Variants in ARNT observed in about 807,000 individuals in gnomAD.
ARNT encodes class E basic helix-loop-helix protein 2.
ARNT carries 30 observed loss-of-function variants against 105.0 expected under a neutral mutation model. The ratio of observed to expected loss-of-function variants is 0.29; its 90% CI spans 0.21 to 0.39. The LOEUF (loss-of-function observed/expected upper bound fraction) is 0.39, where lower values mean the gene tolerates loss of function less well. Among genes scored for constraint, ARNT ranks in the 10% least tolerant of loss-of-function variants. The pLI is 1.00. For synonymous variants in ARNT, 304 were observed against 344.0 expected (o/e 0.88, Z 1.29); for missense variants, 748 against 978.7 (o/e 0.76, Z 3.15).
chr1:150,826,762 A>T (rs867157241), intron 12 of ARNT, 145 bp from the exon 13 acceptor site: 1 of 550,318 alleles, frequency 1.8e-6, no homozygotes, highest in Middle Eastern at 5.3e-4. Context: ...TTCCTGTCTC[A>T]ACCTCCCAAG....
At chr1:150,846,634 C>A (rs1662263682) in intron 3 of ARNT, among the ~76,000 whole-genome samples, 1 of 152,020 alleles carries the variant, frequency 6.6e-6, no homozygotes, top group Admixed American at 6.6e-5. Context: ...GTAAAAAACA[C>A]ATAAAATTTA....
chr1:150,817,082 C>T lies in ARNT; in HGVS notation c.1699G>A (p.Asp567Asn), dbSNP rs747636674. ...AAAGGATAATGAGAAAGAAACATAC[C>T]CGCATTGATGTTGTGATAGATTTCT... ...FSEIYHNINA[D>N]QSKGISSSTV... Residue 567 changes from aspartate to asparagine, a missense_variant and splice_region_variant, in exon 17 of 22, where the codon GAT (aspartate) becomes AAT (asparagine). Around this residue, in one of 4 missense-constraint regions of ARNT, gnomAD observed 360 missense variants for 411.9 expected, o/e 0.87. Transcript: ENST00000358595. 1.2e-6 allele frequency: 2 copies of T among 1,614,018 alleles called. No individual in the cohort carries two copies. The highest frequency in any genetic ancestry group is 2.2e-5 in the South Asian group (2 of 91,062).
rs1156605423 is a variant in ARNT, at chr1:150,811,456, G to GCACA, written c.*564_*565insTGTG. 20 of 92,378 alleles carry GCACA rather than the reference G, an allele frequency of 2.2e-4. No homozygotes were observed. Among genetic ancestry groups the GCACA allele is most frequent in the South Asian group, 2.0e-3 (2 of 994 alleles). The allele number at this position is 92,378 out of a possible 1,614,324, so 5.7% of individuals were successfully genotyped here. ...AAGAGTGAAATACAGAAGCATGTGT[G>GCACA]CGCACACACACACACACACACATAC... is the stretch of plus-strand genomic sequence containing the variant. On this transcript the variant is annotated 3_prime_UTR_variant, in exon 22 of 22. Coordinates refer to ENST00000358595, the MANE Select transcript of ARNT (RefSeq NM_001668.4).
Position 150,832,339 on chromosome 1 carries a change from T to A in ARNT, c.864A>T (p.Arg288Ser). Residue 288 changes from arginine (R) to serine (S), a missense_variant, in exon 9 of 22, where the codon AGA (arginine) becomes AGT (serine). Around this residue, in one of 4 missense-constraint regions of ARNT, gnomAD observed 291 missense variants for 444.6 expected, o/e 0.65. Coordinates refer to ENST00000358595, the MANE Select transcript of ARNT (RefSeq NM_001668.4). ...SVNRLSFVRN[R>S]CRNGLGSVKD... ...TTCACCACTTAGGATCTCACCTGCA[T>A]CTGTTCCTCACAAAGCTCAGCCTAT... The A allele has an allele frequency of 6.2e-7, 1 of 1,614,134 alleles. No individual in the cohort carries two copies. Among genetic ancestry groups the A allele is most frequent in the Non-Finnish European group, 8.5e-7 (1 of 1,180,004 alleles).
intron 13 of ARNT, among the ~76,000 whole-genome samples, chr1:150,825,082 A>G (rs979573013): frequency 6.6e-6 from 1 of 151,722 alleles, no homozygotes; most frequent in Non-Finnish European, 1.5e-5. Context: ...GGCTGGTTCA[A>G]ACTCCTGGCT....
At chr1:150,866,518 A>G (rs1388051953) in intron 1 of ARNT, among the ~76,000 whole-genome samples, 2 of 152,216 alleles carry the variant, frequency 1.3e-5, no homozygotes, top group Non-Finnish European at 2.9e-5. Context: ...AATTCTGTTA[A>G]AAGAAATAAA....
chr1:150,867,888 C>T (rs1290007250), intron 1 of ARNT, among the ~76,000 whole-genome samples: 2 of 152,148 alleles, frequency 1.3e-5, no homozygotes, highest in African/African-American at 2.4e-5. Context: ...TTCCCCTTCG[C>T]CTTCCGCCAT....
At chr1:150,861,951 A>G (rs1174564836) in intron 1 of ARNT, among the ~76,000 whole-genome samples, 4 of 152,194 alleles carry the variant, frequency 2.6e-5, no homozygotes, top group Non-Finnish European at 5.9e-5. Flanking sequence ...CACACATTTA[A>G]GGTAGTCTAG....
intron 1 of ARNT, among the ~76,000 whole-genome samples, chr1:150,874,424 AC>A (rs1667945532): frequency 6.6e-6 from 1 of 152,230 alleles, no homozygotes; most frequent in South Asian, 2.1e-4. Context: ...AAAGTGTCTC[AC>A]ATCTGTATTC....
intron 3 of ARNT, among the ~76,000 whole-genome samples, chr1:150,851,298 G>A (rs1443891376): frequency 3.7e-4 from 54 of 146,512 alleles, no homozygotes; most frequent in South Asian, 1.1e-3. Flanking sequence ...GCCTCTGCCC[G>A]GCCACCCCTT....
At chr1:150,825,272 TTTTG>T (rs1557870176) in intron 13 of ARNT, among the ~76,000 whole-genome samples, 1 of 152,064 alleles carries the variant, frequency 6.6e-6, no homozygotes, top group East Asian at 1.9e-4. Context: ...TAACCACTTA[TTTTG>T]TAATACTACG....
intron 1 of ARNT, among the ~76,000 whole-genome samples, chr1:150,871,308 T>G (rs910506345): frequency 2.7e-5 from 4 of 148,072 alleles, no homozygotes; most frequent in African/African-American, 1.0e-4. Context: ...TTTTTTTTTT[T>G]TTTTTTTTTT....
chr1:150,834,434 A>T, intron 8 of ARNT, 104 bp downstream of exon 8: 1 of 1,135,652 alleles, frequency 8.8e-7, no homozygotes, highest in Non-Finnish European at 1.3e-6. Flanking sequence ...ATGGAGAGTT[A>T]AATTTAATCC....
rs960375168 is a variant in ARNT, at chr1:150,853,948, C to T, written c.138-1142G>A. Among the ~76,000 whole-genome samples the T allele has an allele frequency of 4.6e-5, 7 of 152,228 alleles. No homozygotes were observed. In the East Asian group the frequency reaches 1.2e-3, roughly 25 times the overall value. On this transcript the variant is annotated intron_variant, in intron 2 of 21. Coordinates refer to ENST00000358595, the MANE Select transcript of ARNT (RefSeq NM_001668.4). ...TGATATTATGGGCCTCTAGATGGGT[C>T]GCATTTGAAGTACACATACAGCATC...
Position 150,839,723 on chromosome 1 carries a change from T to C in ARNT, c.273-69A>G, listed in dbSNP as rs1660940012. 18 of 1,440,678 alleles carry C rather than the reference T, an allele frequency of 1.2e-5. No homozygotes were observed. In the South Asian group the frequency reaches 1.9e-4, roughly 16 times the overall value. The allele number at this position is 1,440,678 out of a possible 1,614,324, so 89.2% of individuals were successfully genotyped here. On this transcript the variant is annotated intron_variant, in intron 5 of 21. Transcript: ENST00000358595. ...GGTCATTTGGTAGCAGGGAGAGTGATATGGATACCAAGTGTGCTGCTGAAG... is the reference window on the plus strand; with the variant it reads ...GGTCATTTGGTAGCAGGGAGAGTGACATGGATACCAAGTGTGCTGCTGAAG...
chr1:150,834,520 C>A lies in ARNT; in HGVS notation c.803+18G>T, dbSNP rs1157846257. On this transcript the variant is annotated intron_variant, in intron 8 of 21. Coordinates refer to ENST00000358595, the MANE Select transcript of ARNT (RefSeq NM_001668.4). Reference sequence around the variant, plus strand: ...GATCCTTCCTATACCAAATCACAATCCTCAGCTTGACACTCACCTCATTCG... The same window carrying A: ...GATCCTTCCTATACCAAATCACAATACTCAGCTTGACACTCACCTCATTCG... 1 of 1,610,370 alleles carries A rather than the reference C, an allele frequency of 6.2e-7. No individual in the cohort carries two copies. The highest frequency in any genetic ancestry group is 8.5e-7 in the Non-Finnish European group (1 of 1,176,836).
chr1:150,814,005 A>G, intron 20 of ARNT, 72 bp downstream of exon 20: 1 of 1,560,574 alleles, frequency 6.4e-7, no homozygotes, highest in Non-Finnish European at 8.7e-7. Flanking sequence ...ACAGGCAAAC[A>G]ACTTTAACTA....
At chr1:150,833,450 C>T (rs1171616667) in intron 8 of ARNT, among the ~76,000 whole-genome samples, 3 of 152,068 alleles carry the variant, frequency 2.0e-5, no homozygotes, top group African/African-American at 7.2e-5. Context: ...CAAGATCATG[C>T]CACTGCACTC....
chr1:150,830,885 A>G (rs1659250993), intron 10 of ARNT, among the ~76,000 whole-genome samples: 1 of 152,344 alleles, frequency 6.6e-6, no homozygotes, highest in Non-Finnish European at 1.5e-5. Flanking sequence ...TGGCTTATAT[A>G]GTATATAGAC....
Sources: gnomAD v4.1 joint callset for allele counts (sites outside exome capture counted in the v4.1 genomes callset) on GRCh38, gnomAD v4.1.1 for gene constraint, gnomAD v4.1.1 regional missense constraint, MANE v1.5 for transcripts, NCBI Gene and HGNC (gene_info 2026-07-23, HGNC 2026-07-21) for gene names.